CDH20: variants seen among roughly 807,000 people sequenced by gnomAD.
The protein encoded by CDH20 is cadherin 20, also known as cadherin-20.
Under a neutral mutation model 74.2 loss-of-function variants are expected in CDH20, and 29 were observed. The observed-to-expected ratio is 0.39, with a 90% CI of 0.29 to 0.53. The LOEUF is 0.53. Ranked by LOEUF, CDH20 falls within the 20% of genes least tolerant of loss-of-function variation. The probability of loss-of-function intolerance (pLI) is 0.69; values close to 1 mark genes in which losing one functional copy is unlikely to be tolerated. For synonymous variants in CDH20, 469 were observed against 405.4 expected (o/e 1.16, Z -1.88); for missense variants, 988 against 1,048.3 (o/e 0.94, Z 0.79).
At chr18:61,341,675 C>T (rs1045840109) in intron 1 of CDH20, among the ~76,000 whole-genome samples, 2 of 152,144 alleles carry the variant, frequency 1.3e-5, no homozygotes, top group Admixed American at 1.3e-4. Flanking sequence ...GTCTTGTAGG[C>T]TTTTTTGGAA....
chr18:61,373,326 T>G (rs1190152841), intron 1 of CDH20, among the ~76,000 whole-genome samples: 1 of 152,076 alleles, frequency 6.6e-6, no homozygotes, highest in Non-Finnish European at 1.5e-5. Context: ...AGAGTGACTT[T>G]TATTGTGCAT....
intron 3 of CDH20, among the ~76,000 whole-genome samples, chr18:61,499,864 G>A (rs1054679376): frequency 6.6e-6 from 1 of 152,026 alleles, no homozygotes; most frequent in Admixed American, 6.5e-5. Flanking sequence ...GGAGGCTGAG[G>A]CAGGTGGATC....
intron 11 of CDH20, 56 bp from the exon 12 acceptor site, chr18:61,554,134 C>T: frequency 1.3e-6 from 2 of 1,564,070 alleles, no homozygotes; most frequent in African/African-American, 1.3e-5. Flanking sequence ...CTTCTAGTCA[C>T]CGCACACACA....
chr18:61,393,115 G>A (rs561226987), intron 1 of CDH20, among the ~76,000 whole-genome samples: 1 of 152,224 alleles, frequency 6.6e-6, no homozygotes, highest in South Asian at 2.1e-4. Context: ...ATTCAATGTT[G>A]AATTGATTCC....
chr18:61,523,871 A>G (rs1411219233), intron 6 of CDH20, among the ~76,000 whole-genome samples: 1 of 152,112 alleles, frequency 6.6e-6, no homozygotes, highest in African/African-American at 2.4e-5. Flanking sequence ...ATGAGAACAC[A>G]TGGACACAGG....
At chr18:61,419,670 C>T (rs1413820398) in intron 1 of CDH20, among the ~76,000 whole-genome samples, 6 of 151,300 alleles carry the variant, frequency 4.0e-5, no homozygotes, top group African/African-American at 1.5e-4. Flanking sequence ...TTTTTCAATA[C>T]TCTCTGGTTC....
In CDH20 at chr18:61,500,369, C is replaced by T; in HGVS notation, c.542-14C>T. On this transcript the variant is annotated splice_polypyrimidine_tract_variant and intron_variant, in intron 3 of 11. Coordinates refer to ENST00000262717, the MANE Select transcript of CDH20 (RefSeq NM_031891.4). ...ATTAGACTTGAACAGGTTTCTACCT[C>T]TTCTCTTCCCCAGGTACCTCCGTCA... 2 of 1,610,978 alleles carry T rather than the reference C, an allele frequency of 1.2e-6. No individual in the cohort carries two copies.
At chr18:61,488,218 G>A (rs914081722) in intron 1 of CDH20, among the ~76,000 whole-genome samples, 4 of 152,194 alleles carry the variant, frequency 2.6e-5, no homozygotes, top group East Asian at 1.9e-4. Flanking sequence ...CAAATGGAAC[G>A]CAAGTGTTTG....
At chr18:61,444,092 T>A (rs895247587) in intron 1 of CDH20, among the ~76,000 whole-genome samples, 1 of 152,162 alleles carries the variant, frequency 6.6e-6, no homozygotes, top group Non-Finnish European at 1.5e-5. Flanking sequence ...CAAGGTATAT[T>A]GCATGTCTTG....
At chr18:61,368,010 A>T (rs1910913949) in intron 1 of CDH20, among the ~76,000 whole-genome samples, 1 of 152,036 alleles carries the variant, frequency 6.6e-6, no homozygotes, top group Non-Finnish European at 1.5e-5. Flanking sequence ...TTTTAACCTG[A>T]TCACCTGTGC....
chr18:61,546,433 T>C (rs1289472430), intron 10 of CDH20, among the ~76,000 whole-genome samples: 1 of 152,198 alleles, frequency 6.6e-6, no homozygotes, highest in African/African-American at 2.4e-5. Context: ...GAAGGAATGG[T>C]AATATGAATT....
intron 8 of CDH20, among the ~76,000 whole-genome samples, 197 bp from the exon 9 acceptor site, chr18:61,538,827 A>G (rs748470298): frequency 7.3e-5 from 11 of 151,524 alleles, no homozygotes; most frequent in Non-Finnish European, 1.5e-4. Flanking sequence ...ACTCCGTGTT[A>G]TCCAGGATGT....
At chr18:61,347,315 TATATACAC>T (rs1401027112) in intron 1 of CDH20, among the ~76,000 whole-genome samples, 27 of 55,904 alleles carry the variant, frequency 4.8e-4, no homozygotes, top group South Asian at 2.1e-3. Context: ...TATATATATA[TATATACAC>T]ACACACACAC....
chr18:61,362,790 A>G (rs1372706748), intron 1 of CDH20, among the ~76,000 whole-genome samples: 2 of 152,096 alleles, frequency 1.3e-5, no homozygotes, highest in African/African-American at 4.8e-5. Flanking sequence ...TTAGTATGAC[A>G]TAGTAGACTT....
intron 1 of CDH20, among the ~76,000 whole-genome samples, chr18:61,473,924 T>G (rs1910279428): frequency 1.3e-5 from 2 of 152,238 alleles, no homozygotes; most frequent in African/African-American, 4.8e-5. Flanking sequence ...AAAAGGTAGC[T>G]CGTTCTTTTC....
At chr18:61,424,237 C>G (rs1360148273) in intron 1 of CDH20, among the ~76,000 whole-genome samples, 1 of 152,222 alleles carries the variant, frequency 6.6e-6, no homozygotes, top group African/African-American at 2.4e-5. Flanking sequence ...CAAGTCCTCT[C>G]TTCTAGTTCG....
At chr18:61,424,639 ATG>A (rs1372765828) in intron 1 of CDH20, among the ~76,000 whole-genome samples, 2 of 152,208 alleles carry the variant, frequency 1.3e-5, no homozygotes, top group East Asian at 3.9e-4. Context: ...GAATTAGCCA[ATG>A]TAGTATGGGA....
rs201557197 is a variant in CDH20, at chr18:61,503,249, T to G, written c.829+129T>G. Reference sequence around the variant, plus strand: ...TTATCCATAGATTCCTTTCTTACATTCATCATGCAATTCTCGCATAACTAT... The same window carrying G: ...TTATCCATAGATTCCTTTCTTACATGCATCATGCAATTCTCGCATAACTAT... On this transcript the variant is annotated intron_variant, in intron 5 of 11. Coordinates refer to ENST00000262717, the MANE Select transcript of CDH20 (RefSeq NM_031891.4). 171 of 628,358 alleles carry G rather than the reference T, an allele frequency of 2.7e-4. No homozygotes were observed. In the East Asian group the frequency reaches 4.7e-3, roughly 17 times the overall value. The allele number at this position is 628,358 out of a possible 1,614,324, so 38.9% of individuals were successfully genotyped here.
At chr18:61,495,658 C>T (rs1343143718) in intron 2 of CDH20, among the ~76,000 whole-genome samples, 1 of 152,192 alleles carries the variant, frequency 6.6e-6, no homozygotes, top group African/African-American at 2.4e-5. Context: ...GTCTCAGGCC[C>T]AGCCTCAAGG....
Sources: allele counts gnomAD v4.1 joint callset (sites outside exome capture counted in the v4.1 genomes callset), GRCh38; gene constraint gnomAD v4.1.1; transcripts MANE v1.5; gene names NCBI Gene and HGNC (gene_info 2026-07-23, HGNC 2026-07-21).